Variants in CEP170 observed in about 807,000 individuals in gnomAD.
CEP170 encodes the protein centrosomal protein 170.
A neutral mutation model predicts 151.9 loss-of-function variants in CEP170; 21 were observed. That is an observed-to-expected ratio of 0.14 (90% CI 0.10 to 0.20). The LOEUF (loss-of-function observed/expected upper bound fraction) is 0.20, where lower values mean the gene tolerates loss of function less well. CEP170 is among the 10% of genes least tolerant of loss of function. CEP170 has a pLI of 1.00. For synonymous variants in CEP170, 356 were observed against 648.8 expected, an observed-to-expected ratio of 0.55 and a Z score of 6.86; for missense variants, 964 against 1,892.9, an observed-to-expected ratio of 0.51 and a Z score of 9.11.
chr1:243,221,650 A>T, intron 3 of CEP170, 74 bp downstream of exon 3: 1 of 1,393,858 alleles, frequency 7.2e-7, no homozygotes, highest in Non-Finnish European at 9.8e-7. Context: ...GTAGCTAGGA[A>T]ATGTAATCTG....
At chr1:243,229,566 C>A (rs1235222366) in intron 1 of CEP170, among the ~76,000 whole-genome samples, 1 of 152,200 alleles carries the variant, frequency 6.6e-6, no homozygotes, top group Non-Finnish European at 1.5e-5. Flanking sequence ...GCAGCTATCA[C>A]TCATTCCACA....
chr1:243,139,024 T>C (rs946973478), intron 16 of CEP170, among the ~76,000 whole-genome samples: 2 of 152,232 alleles, frequency 1.3e-5, no homozygotes, highest in Non-Finnish European at 2.9e-5. Context: ...AATCTCACTG[T>C]AGTCTTGACA....
intron 4 of CEP170, among the ~76,000 whole-genome samples, chr1:243,205,858 T>A (rs1212737122): frequency 6.6e-6 from 1 of 150,540 alleles, no homozygotes; most frequent in African/African-American, 2.4e-5. Context: ...CAAATTGGAT[T>A]GAAACTATAA....
chr1:243,207,539 C>A (rs1298561197), intron 4 of CEP170, among the ~76,000 whole-genome samples: 1 of 152,048 alleles, frequency 6.6e-6, no homozygotes, highest in African/African-American at 2.4e-5. Flanking sequence ...CCTGGCCTAA[C>A]TAACATTTAT....
At chr1:243,176,244 G>C (rs2059243148) in intron 10 of CEP170, among the ~76,000 whole-genome samples, 1 of 151,904 alleles carries the variant, frequency 6.6e-6, no homozygotes, top group African/African-American at 2.4e-5. Context: ...GTCCACAGTG[G>C]GGAAGGAGAT....
chr1:243,223,651 C>T (rs1347019515), intron 2 of CEP170, among the ~76,000 whole-genome samples: 3 of 152,096 alleles, frequency 2.0e-5, no homozygotes, highest in East Asian at 1.9e-4. Flanking sequence ...TCCACTGAGT[C>T]GAGTGAGATG....
chr1:243,248,191 A>C (rs2065601687), intron 1 of CEP170, among the ~76,000 whole-genome samples: 1 of 152,230 alleles, frequency 6.6e-6, no homozygotes, highest in Non-Finnish European at 1.5e-5. Flanking sequence ...AGAAAGAAAG[A>C]GGATACTGCC....
At chr1:243,246,579 T>C (rs1013744083) in intron 1 of CEP170, among the ~76,000 whole-genome samples, 4 of 151,858 alleles carry the variant, frequency 2.6e-5, no homozygotes, top group Non-Finnish European at 5.9e-5. Flanking sequence ...AAATTGTGTG[T>C]AAGTAGATTA....
intron 3 of CEP170, among the ~76,000 whole-genome samples, chr1:243,220,567 T>TA (rs2062707453): frequency 6.6e-6 from 1 of 152,208 alleles, no homozygotes; most frequent in South Asian, 2.1e-4. Context: ...AAAAATGTAT[T>TA]ACCATATTTG....
At chr1:243,170,558 C>G (rs2058761177) in intron 11 of CEP170, among the ~76,000 whole-genome samples, 1 of 152,066 alleles carries the variant, frequency 6.6e-6, no homozygotes, top group African/African-American at 2.4e-5. Context: ...TTTTGGGAGA[C>G]CAAGGCGGGT....
chr1:243,149,161 G>GA (rs74162253), intron 14 of CEP170, among the ~76,000 whole-genome samples: 46,970 of 152,054 alleles, frequency 0.31, 7,650 homozygotes, highest in South Asian at 0.49. Context: ...GTAAAATGTA[G>GA]AAAGATTCTA....
intron 4 of CEP170, among the ~76,000 whole-genome samples, chr1:243,202,328 A>G (rs1326216318): frequency 6.6e-6 from 1 of 152,248 alleles, no homozygotes; most frequent in South Asian, 2.1e-4. Flanking sequence ...GGGGTGAGGG[A>G]TGAAAAACTA....
intron 8 of CEP170, among the ~76,000 whole-genome samples, chr1:243,190,767 A>ACC (rs2060262295): frequency 6.6e-6 from 1 of 152,184 alleles, no homozygotes; most frequent in African/African-American, 2.4e-5. Flanking sequence ...AGAAAAAGAA[A>ACC]CATGTTTTAT....
At chr1:243,127,095 A>G (rs569355342) in intron 19 of CEP170, among the ~76,000 whole-genome samples, 18 of 152,330 alleles carry the variant, frequency 1.2e-4, no homozygotes, top group Middle Eastern at 3.4e-3. Flanking sequence ...CTAAACCCAC[A>G]TCACTCAGAT....
chr1:243,168,954 T>A (rs551476932), intron 12 of CEP170, among the ~76,000 whole-genome samples: 1 of 150,676 alleles, frequency 6.6e-6, no homozygotes, highest in African/African-American at 2.4e-5. Flanking sequence ...ATGAATGAAA[T>A]CGTTTGGACC....
At chr1:243,240,082 G>T (rs1057076592) in intron 1 of CEP170, among the ~76,000 whole-genome samples, 1 of 152,158 alleles carries the variant, frequency 6.6e-6, no homozygotes, top group Admixed American at 6.5e-5. Flanking sequence ...AGGCTGAGGA[G>T]GGTGGATCAC....
intron 3 of CEP170, among the ~76,000 whole-genome samples, chr1:243,212,455 T>C (rs2061893677): frequency 6.6e-6 from 1 of 152,198 alleles, no homozygotes; most frequent in African/African-American, 2.4e-5. Context: ...GCAGTTGTCA[T>C]ATGGGTCCTT....
At chr1:243,164,238 A>C in intron 13 of CEP170, 46 bp downstream of exon 13, 1 of 1,350,934 alleles carries the variant, frequency 7.4e-7, no homozygotes, top group East Asian at 2.5e-5. Flanking sequence ...AGGAGCCCCC[A>C]AATATACAAC....
At chr1:243,223,381 A>C (rs779856972) in intron 2 of CEP170, among the ~76,000 whole-genome samples, 1 of 152,224 alleles carries the variant, frequency 6.6e-6, no homozygotes, top group Non-Finnish European at 1.5e-5. Flanking sequence ...AAAGGAGTCA[A>C]ATGGCTACTC....
Sources: allele counts gnomAD v4.1 joint callset (sites outside exome capture counted in the v4.1 genomes callset), GRCh38; gene constraint gnomAD v4.1.1; transcripts MANE v1.5; gene names NCBI Gene and HGNC (gene_info 2026-07-23, HGNC 2026-07-21).